Variants in CERS6 observed in about 807,000 individuals in gnomAD.
The protein encoded by CERS6 is LAG1 homolog, ceramide synthase 6.
A neutral mutation model predicts 56.8 loss-of-function variants in CERS6; 26 were observed. The ratio of observed to expected loss-of-function variants is 0.46; its 90% confidence interval spans 0.34 to 0.63. CERS6 has a LOEUF of 0.63. Ranked by LOEUF, CERS6 falls within the 30% of genes least tolerant of loss-of-function variation. The pLI is 0.01. For missense variants in CERS6, 415 were observed against 467.5 expected (o/e 0.89, Z 1.04); for synonymous variants, 164 against 173.3 (o/e 0.95, Z 0.42).
At position 168,692,407 on chromosome 2, in the gene CERS6, A is replaced by C. The variant is rs191622079; in HGVS notation, c.516+1323A>C. On this transcript the variant is annotated intron_variant, in intron 5 of 9. Transcript: ENST00000305747. The stretch of plus-strand genomic sequence containing the variant: ...ATACCTACTCTTCTTTTTAACTGTA[A>C]TTTAGTCCAGAATAACTTTCATGTT... Among the ~76,000 whole-genome samples, 130 of 152,274 alleles carry C rather than the reference A, an allele frequency of 8.5e-4. 1 individual carries two copies. The highest frequency in any genetic ancestry group is 1.6e-3 in the Non-Finnish European group (106 of 68,024).
At chr2:168,592,846 A>G (rs997930995) in intron 3 of CERS6, among the ~76,000 whole-genome samples, 6 of 152,218 alleles carry the variant, frequency 3.9e-5, no homozygotes, top group Non-Finnish European at 1.5e-5. Flanking sequence ...TGCTGTAACA[A>G]CAAATGACTA....
chr2:168,612,596 T>A (rs1472274910), intron 3 of CERS6, among the ~76,000 whole-genome samples: 1 of 152,236 alleles, frequency 6.6e-6, no homozygotes, highest in Non-Finnish European at 1.5e-5. Flanking sequence ...TGATTAGCTT[T>A]ACCCAACTAA....
chr2:168,636,060 A>G (rs1684853426), intron 4 of CERS6, among the ~76,000 whole-genome samples: 1 of 152,174 alleles, frequency 6.6e-6, no homozygotes, highest in South Asian at 2.1e-4. Flanking sequence ...TGCTTGGACT[A>G]TGTTGCTGTT....
intron 3 of CERS6, among the ~76,000 whole-genome samples, chr2:168,601,781 A>G (rs1400421827): frequency 1.3e-5 from 2 of 152,034 alleles, no homozygotes; most frequent in African/African-American, 4.8e-5. Flanking sequence ...AACTCCTGAC[A>G]TCAGGTGATC....
intron 4 of CERS6, among the ~76,000 whole-genome samples, chr2:168,684,295 G>T (rs1297479136): frequency 6.6e-6 from 1 of 152,156 alleles, no homozygotes; most frequent in African/African-American, 2.4e-5. Flanking sequence ...CATGTCTACT[G>T]TCCCAGGAAA....
At chr2:168,693,046 A>G (rs1686545230) in intron 5 of CERS6, among the ~76,000 whole-genome samples, 1 of 152,184 alleles carries the variant, frequency 6.6e-6, no homozygotes, top group African/African-American at 2.4e-5. Context: ...GTTACATATT[A>G]AATAATTTCA....
At chr2:168,559,304 G>A (rs2105380245) in intron 2 of CERS6, among the ~76,000 whole-genome samples, 1 of 152,286 alleles carries the variant, frequency 6.6e-6, no homozygotes, top group Admixed American at 6.5e-5. Context: ...TTTTCTGGGT[G>A]TGTGTCTGTT....
chr2:168,638,300 A>T (rs74577024), intron 4 of CERS6, among the ~76,000 whole-genome samples: 5,028 of 152,154 alleles, frequency 0.033, 229 homozygotes, highest in African/African-American at 0.1. Flanking sequence ...TATGTTATGA[A>T]TTTATTTTCT....
chr2:168,634,840 A>G (rs144505345), intron 4 of CERS6, among the ~76,000 whole-genome samples: 66 of 152,344 alleles, frequency 4.3e-4, no homozygotes, highest in African/African-American at 1.6e-3. Context: ...GAAACCCCAG[A>G]AGTTAATTTT....
intron 3 of CERS6, among the ~76,000 whole-genome samples, chr2:168,601,373 T>A (rs1683928695): frequency 6.6e-6 from 1 of 152,194 alleles, no homozygotes; most frequent in Non-Finnish European, 1.5e-5. Context: ...TAATTTGCAT[T>A]TATCAATAGT....
chr2:168,751,425 C>T (rs1684264610), intron 8 of CERS6, among the ~76,000 whole-genome samples: 1 of 152,194 alleles, frequency 6.6e-6, no homozygotes, highest in Admixed American at 6.5e-5. Context: ...GCTTTGTTCT[C>T]TCTTGAGGAA....
At chr2:168,564,023 C>G (rs1034091564) in intron 3 of CERS6, among the ~76,000 whole-genome samples, 1 of 152,112 alleles carries the variant, frequency 6.6e-6, no homozygotes, top group Non-Finnish European at 1.5e-5. Flanking sequence ...ACTAGATTCT[C>G]CTGCCTTTCC....
chr2:168,458,541 C>T (rs1420399490), intron 1 of CERS6, among the ~76,000 whole-genome samples: 4 of 152,110 alleles, frequency 2.6e-5, no homozygotes, highest in African/African-American at 9.7e-5. Flanking sequence ...TCCCATGACT[C>T]GACTTAGAGT....
chr2:168,459,189 GA>G (rs1693732652), intron 1 of CERS6, among the ~76,000 whole-genome samples: 1 of 152,192 alleles, frequency 6.6e-6, no homozygotes, highest in Non-Finnish European at 1.5e-5. Flanking sequence ...CCATACCTAA[GA>G]AATACCCGAT....
At chr2:168,710,472 T>G (rs1687062806) in intron 6 of CERS6, among the ~76,000 whole-genome samples, 1 of 152,212 alleles carries the variant, frequency 6.6e-6, no homozygotes. Context: ...AATTTCTGAA[T>G]TAAGCAGTGT....
chr2:168,515,403 G>GAA (rs891351581), intron 1 of CERS6, among the ~76,000 whole-genome samples: 5 of 144,824 alleles, frequency 3.5e-5, no homozygotes, highest in African/African-American at 1.3e-4. Context: ...GTCACTGTGG[G>GAA]AAAAAAAAAA....
chr2:168,575,891 T>C (rs963627528), intron 3 of CERS6, among the ~76,000 whole-genome samples: 1 of 152,108 alleles, frequency 6.6e-6, no homozygotes, highest in Non-Finnish European at 1.5e-5. Flanking sequence ...GCCTCTCCAT[T>C]AAGACTCAGT....
intron 6 of CERS6, among the ~76,000 whole-genome samples, chr2:168,696,858 A>G (rs1686660656): frequency 6.6e-6 from 1 of 152,218 alleles, no homozygotes; most frequent in Admixed American, 6.5e-5. Flanking sequence ...GTCCCCAGCA[A>G]GCAAGATATG....
At chr2:168,457,269 A>G (rs1475416144) in intron 1 of CERS6, among the ~76,000 whole-genome samples, 1 of 152,164 alleles carries the variant, frequency 6.6e-6, no homozygotes, top group Non-Finnish European at 1.5e-5. Flanking sequence ...AGAGGATGTG[A>G]CAGGACGGGT....
Sources: gnomAD v4.1 joint callset for allele counts (sites outside exome capture counted in the v4.1 genomes callset) on GRCh38, gnomAD v4.1.1 for gene constraint, MANE v1.5 for transcripts, NCBI Gene and HGNC (gene_info 2026-07-23, HGNC 2026-07-21) for gene names.